AGO2: variants seen among roughly 807,000 people sequenced by gnomAD.
The protein encoded by AGO2 is argonaute RISC catalytic component 2.
In AGO2, 5 loss-of-function variants were observed where a neutral mutation model predicts 102.3. The observed-to-expected ratio is 0.05, with a 90% CI of 0.03 to 0.10. The LOEUF (loss-of-function observed/expected upper bound fraction) is 0.10, where lower values mean the gene tolerates loss of function less well. Ranked by LOEUF, AGO2 falls within the 10% of genes least tolerant of loss-of-function variation. The pLI is 1.00. For synonymous variants in AGO2, 449 were observed against 473.1 expected (o/e 0.95, Z 0.66); for missense variants, 541 against 1,183.7 (o/e 0.46, Z 7.97).
chr8:140,564,018 CGAGCCCTCA>C (rs957005031), intron 3 of AGO2, among the ~76,000 whole-genome samples: 51 of 152,120 alleles, frequency 3.4e-4, no homozygotes, highest in African/African-American at 1.2e-3. Context: ...CAGACGCCCA[CGAGCCCTCA>C]GAGCACTGTT....
At chr8:140,552,510 T>C (rs1314542448) in intron 10 of AGO2, among the ~76,000 whole-genome samples, 2 of 152,192 alleles carry the variant, frequency 1.3e-5, no homozygotes, top group Non-Finnish European at 2.9e-5. Context: ...TTGTTTTTTT[T>C]AGCAGGAAGC....
At chr8:140,544,933 C>T (rs1378986912) in intron 13 of AGO2, among the ~76,000 whole-genome samples, 7 of 152,158 alleles carry the variant, frequency 4.6e-5, no homozygotes, top group East Asian at 1.9e-4. Context: ...TCGGGCTCTC[C>T]GGGGAAAGGC....
chr8:140,594,087 T>C (rs1460023963), intron 1 of AGO2, among the ~76,000 whole-genome samples: 1 of 152,160 alleles, frequency 6.6e-6, no homozygotes, highest in Non-Finnish European at 1.5e-5. Context: ...CTACACTGCC[T>C]GAGCACCTCC....
At position 140,551,397 on chromosome 8, in the gene AGO2, T is replaced by A; in HGVS notation, c.1309A>T (p.Met437Leu). The part of the protein sequence containing the change: ...IATPVQGVWD[M>L]RNKQFHTGIE... ...CCCGTGTGGAACTGCTTGTTCCGCA[T>A]GTCCCAGACGCCCTGGACAGGGGTC... The change falls in exon 11 of 19, where the codon ATG (methionine) becomes TTG (leucine). Residue 437 changes from methionine (M) to leucine (L), a missense_variant. This residue lies in a region of AGO2 where 309 missense variants were observed against 735.1 expected (regional missense o/e 0.42). Coordinates refer to ENST00000220592, the MANE Select transcript of AGO2 (RefSeq NM_012154.5). The A allele has an allele frequency of 6.3e-7, 1 of 1,595,452 alleles. No homozygotes were observed. The highest frequency in any genetic ancestry group is 8.6e-7 in the Non-Finnish European group (1 of 1,167,776).
rs1329455239 is a variant in AGO2, at chr8:140,529,798, T to A, written c.*2246A>T. On this transcript the variant is annotated 3_prime_UTR_variant, in exon 19 of 19. Coordinates refer to ENST00000220592, the MANE Select transcript of AGO2 (RefSeq NM_012154.5). ...CAGGAGGTGGCAGCAGGCCCACAAATCTGCATGTTAAACAAGAACCGCCAT... is the reference window on the plus strand; with the variant it reads ...CAGGAGGTGGCAGCAGGCCCACAAAACTGCATGTTAAACAAGAACCGCCAT... 6.6e-6 allele frequency: 1 copy of A among 152,100 alleles called. No homozygotes were observed. Among genetic ancestry groups the A allele is most frequent in the Non-Finnish European group, 1.5e-5 (1 of 68,020 alleles). 9.4% of individuals were successfully genotyped at this position (152,100 alleles called of 1,614,324 possible).
chr8:140,624,853 A>T (rs1380439513), intron 1 of AGO2, among the ~76,000 whole-genome samples: 2 of 152,240 alleles, frequency 1.3e-5, no homozygotes, highest in Admixed American at 1.3e-4. Flanking sequence ...GGGAAACGGG[A>T]CGAGGCTCAA....
At chr8:140,639,842 C>T (rs879255803), upstream of AGO2, among the ~76,000 whole-genome samples, 1 of 152,122 alleles carries the variant, frequency 6.6e-6, no homozygotes, top group Non-Finnish European at 1.5e-5. Flanking sequence ...ACTGGGTCTG[C>T]CAGCTGGGCC....
At chr8:140,601,172 C>T (rs776423314) in intron 1 of AGO2, among the ~76,000 whole-genome samples, 1 of 152,194 alleles carries the variant, frequency 6.6e-6, no homozygotes, top group Non-Finnish European at 1.5e-5. Flanking sequence ...CCACGGGTTC[C>T]GAGGCTGTCC....
intron 1 of AGO2, among the ~76,000 whole-genome samples, chr8:140,633,717 C>G (rs1209652014): frequency 1.3e-5 from 2 of 152,164 alleles, no homozygotes; most frequent in African/African-American, 4.8e-5. Context: ...AGGGACTGCC[C>G]TGAGGAAGGC....
intron 1 of AGO2, among the ~76,000 whole-genome samples, chr8:140,597,477 C>A (rs2073864093): frequency 1.4e-5 from 2 of 141,440 alleles, no homozygotes; most frequent in Non-Finnish European, 3.1e-5. Flanking sequence ...CCCCCCCACC[C>A]CCCCCCCCCC....
At chr8:140,564,879 T>C (rs2073255006) in intron 3 of AGO2, among the ~76,000 whole-genome samples, 2 of 152,232 alleles carry the variant, frequency 1.3e-5, no homozygotes, top group African/African-American at 4.8e-5. Flanking sequence ...CTCACACCTG[T>C]AATCCCAGCA....
At chr8:140,546,371 T>A (rs1342034865) in intron 13 of AGO2, among the ~76,000 whole-genome samples, 1 of 152,166 alleles carries the variant, frequency 6.6e-6, no homozygotes, top group African/African-American at 2.4e-5. Flanking sequence ...GGGGTGGAAA[T>A]TCCTGGCCCC....
At chr8:140,585,436 T>G in intron 1 of AGO2, 125 bp from the exon 2 acceptor site, 1 of 1,065,912 alleles carries the variant, frequency 9.4e-7, no homozygotes, top group Non-Finnish European at 1.3e-6. Flanking sequence ...AGGCCAATAT[T>G]GCATTCCACA....
At chr8:140,616,580 T>C (rs1429789261) in intron 1 of AGO2, among the ~76,000 whole-genome samples, 1 of 152,254 alleles carries the variant, frequency 6.6e-6, no homozygotes, top group African/African-American at 2.4e-5. Context: ...CATAATTTCA[T>C]ATTAGCACAT....
chr8:140,594,442 C>G (rs1486074127), intron 1 of AGO2, among the ~76,000 whole-genome samples: 8 of 152,032 alleles, frequency 5.3e-5, no homozygotes, highest in Non-Finnish European at 8.8e-5. Flanking sequence ...GGATTACAGG[C>G]ATGAGCCACC....
chr8:140,552,564 T>C (rs1384216888), intron 10 of AGO2, among the ~76,000 whole-genome samples: 1 of 152,128 alleles, frequency 6.6e-6, no homozygotes, highest in Non-Finnish European at 1.5e-5. Context: ...ATCAGACACG[T>C]GATAGAAACA....
At chr8:140,609,925 G>T (rs2074053736) in intron 1 of AGO2, among the ~76,000 whole-genome samples, 1 of 151,770 alleles carries the variant, frequency 6.6e-6, no homozygotes, top group Non-Finnish European at 1.5e-5. Context: ...CAGGCATGGG[G>T]GCTCACACCT....
At chr8:140,559,037 C>A (rs113767037) in intron 6 of AGO2, among the ~76,000 whole-genome samples, 32 of 152,260 alleles carry the variant, frequency 2.1e-4, no homozygotes, top group African/African-American at 7.7e-4. Context: ...GGTACAGACA[C>A]CTGCCGGGCT....
chr8:140,617,896 C>A (rs1490206487), intron 1 of AGO2, among the ~76,000 whole-genome samples: 1 of 152,018 alleles, frequency 6.6e-6, no homozygotes. Context: ...CACCTGTAGT[C>A]CCAGCTACTC....
Sources: allele counts gnomAD v4.1 joint callset (sites outside exome capture counted in the v4.1 genomes callset), GRCh38; gene constraint gnomAD v4.1.1; regional missense constraint gnomAD v4.1.1; transcripts MANE v1.5; gene names NCBI Gene and HGNC (gene_info 2026-07-23, HGNC 2026-07-21).